AFG2B: variants seen among roughly 807,000 people sequenced by gnomAD.
AFG2B encodes AAA ATPase AFG2B.
At chr15:45,406,777 T>G in the AFG2B span, among the ~76,000 whole-genome samples, 1 of 152,234 alleles carries the variant, frequency 6.6e-6, no homozygotes, top group Non-Finnish European at 1.5e-5. Flanking sequence ...TGAAAAACCT[T>G]TTTACCTAAA....
the AFG2B span, chr15:45,402,553 C>G: frequency 1.3e-6 from 2 of 1,586,702 alleles, no homozygotes; most frequent in South Asian, 2.3e-5. Context: ...CCTGGGCGCG[C>G]GCTTGGGCTC....
At chr15:45,402,852 C>T in the AFG2B span, 1 of 1,598,424 alleles carries the variant, frequency 6.3e-7, no homozygotes, top group East Asian at 2.2e-5. Flanking sequence ...TGCTGAGAAA[C>T]CGACCGATCT....
At chr15:45,409,179 C>G in the AFG2B span, among the ~76,000 whole-genome samples, 7 of 152,080 alleles carry the variant, frequency 4.6e-5, no homozygotes, top group South Asian at 1.5e-3. Flanking sequence ...AGTTCAAGAC[C>G]AGCCTGGCCA....
chr15:45,402,834 A>C, the AFG2B span: 2 of 1,597,984 alleles, frequency 1.3e-6, no homozygotes, highest in African/African-American at 2.7e-5. Flanking sequence ...TGGAGGCGGC[A>C]CAGGAGCTGC....
chr15:45,414,631 A>C, the AFG2B span: 1 of 1,614,172 alleles, frequency 6.2e-7, no homozygotes, highest in Non-Finnish European at 8.5e-7. Flanking sequence ...GACACAACCA[A>C]AGGGAGTTCT....
the AFG2B span, chr15:45,414,467 A>C: frequency 4.7e-6 from 5 of 1,069,112 alleles, no homozygotes; most frequent in Non-Finnish European, 6.9e-6. Flanking sequence ...TTTCCAGCTC[A>C]TAATAGGAGG....
chr15:45,419,581 C>T, the AFG2B span, among the ~76,000 whole-genome samples: 5 of 152,114 alleles, frequency 3.3e-5, no homozygotes, highest in East Asian at 5.8e-4. Flanking sequence ...GAAAAATGCA[C>T]GGATCATAAG....
At chr15:45,410,255 A>G in the AFG2B span, 2 of 1,164,148 alleles carry the variant, frequency 1.7e-6, no homozygotes. Flanking sequence ...TTGTTTTTAT[A>G]ATGATAACAA....
At chr15:45,402,994 G>T in the AFG2B span, 5 of 1,590,810 alleles carry the variant, frequency 3.1e-6, no homozygotes, top group African/African-American at 2.7e-5. Context: ...CCTTGGCGGG[G>T]AGCCTCCGTC....
chr15:45,410,626 C>A, the AFG2B span: 1 of 1,172,080 alleles, frequency 8.5e-7, no homozygotes, highest in Non-Finnish European at 1.2e-6. Context: ...TGCTCTTGCT[C>A]CTATCACTAA....
the AFG2B span, chr15:45,402,936 G>A: frequency 6.0e-5 from 96 of 1,597,966 alleles, no homozygotes; most frequent in African/African-American, 9.9e-4. Flanking sequence ...TCGGCGGGAC[G>A]CCCAGTCCCG....
chr15:45,402,354 G>C, the AFG2B span: 1 of 1,539,642 alleles, frequency 6.5e-7, no homozygotes, highest in Non-Finnish European at 8.7e-7. Context: ...TCCGGCCTGC[G>C]AGCTCGGTGT....
At chr15:45,409,900 A>T in the AFG2B span, among the ~76,000 whole-genome samples, 6 of 152,126 alleles carry the variant, frequency 3.9e-5, no homozygotes, top group Middle Eastern at 3.2e-3. Flanking sequence ...GAGCACAAAG[A>T]CTTTTTCAGT....
the AFG2B span, chr15:45,402,838 G>A: frequency 6.3e-7 from 1 of 1,598,344 alleles, no homozygotes; most frequent in Non-Finnish European, 8.5e-7. Flanking sequence ...GGCGGCACAG[G>A]AGCTGCTGAG....
the AFG2B span, chr15:45,405,587 T>A: frequency 3.5e-5 from 48 of 1,353,496 alleles, no homozygotes; most frequent in Non-Finnish European, 4.8e-5. Flanking sequence ...AAGCGGTGAG[T>A]ACATTTTCCT....
the AFG2B span, chr15:45,405,275 A>G: frequency 6.4e-7 from 1 of 1,554,526 alleles, no homozygotes; most frequent in Non-Finnish European, 8.7e-7. Context: ...ATATATTTTA[A>G]ACTATATACT....
At chr15:45,409,504 A>C in the AFG2B span, among the ~76,000 whole-genome samples, 2 of 152,118 alleles carry the variant, frequency 1.3e-5, no homozygotes, top group African/African-American at 4.8e-5. Context: ...TAGCTGTCAA[A>C]ATTGTATATG....
the AFG2B span, chr15:45,407,003 C>T: frequency 5.4e-6 from 7 of 1,287,010 alleles, no homozygotes; most frequent in Admixed American, 1.6e-4. Context: ...GGGAGATTTA[C>T]ATTCAGGATT....
chr15:45,411,210 A>T, the AFG2B span, among the ~76,000 whole-genome samples: 1 of 152,162 alleles, frequency 6.6e-6, no homozygotes, highest in African/African-American at 2.4e-5. Context: ...GGGGGAAAAA[A>T]GTGTATAACC....
Sources: allele counts gnomAD v4.1 joint callset (sites outside exome capture counted in the v4.1 genomes callset), GRCh38; gene constraint gnomAD v4.1.1; transcripts MANE v1.5; gene names NCBI Gene and HGNC (gene_info 2026-07-23, HGNC 2026-07-21).